Variants in DAZAP1 observed in about 807,000 individuals in gnomAD.
DAZAP1 encodes the protein DAZ associated protein 1.
A neutral mutation model predicts 60.1 loss-of-function variants in DAZAP1; 6 were observed. The ratio of observed to expected loss-of-function variants is 0.10; its 90% CI spans 0.05 to 0.20. The LOEUF (loss-of-function observed/expected upper bound fraction) is 0.20. DAZAP1 is among the 10% of genes least tolerant of loss of function. The pLI is 1.00. For missense variants in DAZAP1, 366 were observed against 560.4 expected, an observed-to-expected ratio of 0.65 and a Z score of 3.50; for synonymous variants, 235 against 215.9, an observed-to-expected ratio of 1.09 and a Z score of -0.78.
chr19:1,432,651 C>G lies in DAZAP1; in HGVS notation c.1009C>G (p.Pro337Ala), dbSNP rs753770419. 3.1e-6 allele frequency: 5 copies of G among 1,612,070 alleles called. No homozygotes were observed. Among genetic ancestry groups the G allele is most frequent in the Middle Eastern group, 1.6e-4 (1 of 6,070 alleles). The change falls in exon 11 of 12, where the codon CCC becomes GCC. Residue 337 changes from proline to alanine, a missense_variant. This residue lies in a region of DAZAP1 where 240 missense variants were observed against 308.8 expected (regional missense o/e 0.78). Transcript: ENST00000233078. The surrounding 1 kb of genome is among the most constrained non-coding windows in gnomAD (Gnocchi z 4.9). The part of the protein sequence containing the change: ...PSQAAPDMSK[P>A]PTAQPDFPYG... ...TCAGGCTGCCCCGGACATGAGCAAGCCCCCGACAGCTCAGCCAGACTTCCC... is the reference window on the plus strand; with the variant it reads ...TCAGGCTGCCCCGGACATGAGCAAGGCCCCGACAGCTCAGCCAGACTTCCC...
Position 1,428,990 on chromosome 19 carries a change from C to T in DAZAP1, c.695C>T (p.Pro232Leu), listed in dbSNP as rs1362325253. The T allele has an allele frequency of 5.0e-6, 8 of 1,595,966 alleles. No individual in the cohort carries two copies. The highest frequency in any genetic ancestry group is 2.2e-5 in the South Asian group (2 of 88,892). Residue 232 changes from proline to leucine, a missense_variant, in exon 8 of 12, where the codon CCG becomes CTG. Physicochemically the swap from Pro to Leu is moderately conservative, Grantham distance 98. This residue lies in a region of DAZAP1 where 240 missense variants were observed against 308.8 expected (regional missense o/e 0.78). Coordinates refer to ENST00000233078, the MANE Select transcript of DAZAP1 (RefSeq NM_018959.4). This position sits in a 1 kb window ranked among gnomAD's most constrained non-coding sequence, Gnocchi z 4.0. Reference protein sequence around the residue: ...PPPTWQQGYGPQGMWVPAGQA... With the variant: ...PPPTWQQGYGLQGMWVPAGQA... ...CCCACGTGGCAGCAAGGATATGGCC[C>T]GCAAGGTAAGGCTGATGCAGAGGTG...
Position 1,432,759 on chromosome 19 carries a change from G to A in DAZAP1, c.1048+69G>A. The A allele has an allele frequency of 6.7e-7, 1 of 1,491,782 alleles. No individual in the cohort carries two copies. The highest frequency in any genetic ancestry group is 1.4e-5 in the African/African-American group (1 of 71,388). 92.4% of individuals were successfully genotyped at this position (1,491,782 alleles called of 1,614,324 possible). On this transcript the variant is annotated intron_variant, in intron 11 of 11. Coordinates refer to ENST00000233078, the MANE Select transcript of DAZAP1 (RefSeq NM_018959.4). This position sits in a 1 kb window ranked among gnomAD's most constrained non-coding sequence, Gnocchi z 4.9. The stretch of plus-strand genomic sequence containing the variant: ...CCCTGGGCACGGCCTGCCTTCTTCT[G>A]CTTCCTCCCCTGCTGGACGCTCCCC...
intron 10 of DAZAP1, among the ~76,000 whole-genome samples, chr19:1,431,013 G>A (rs796190933): frequency 9.9e-5 from 15 of 151,822 alleles, no homozygotes; most frequent in African/African-American, 2.7e-4. Flanking sequence ...GAGTGACTGC[G>A]CCCAGCCTCA....
chr19:1,422,491 T>TTTGCTAC lies in DAZAP1; in HGVS notation c.463+95_463+96insTTGCTAC. 2 of 1,213,372 alleles carry TTTGCTAC rather than the reference T, an allele frequency of 1.6e-6. No individual in the cohort carries two copies. The highest frequency in any genetic ancestry group is 2.4e-6 in the Non-Finnish European group (2 of 831,544). The allele number at this position is 1,213,372 out of a possible 1,614,324, so 75.2% of individuals were successfully genotyped here. A position where few individuals can be genotyped will look rare whatever the true frequency, so the allele number is the denominator to read the frequency against. On this transcript the variant is annotated intron_variant, in intron 6 of 11. Transcript: ENST00000233078. The surrounding 1 kb of genome is among the most constrained non-coding windows in gnomAD (Gnocchi z 4.5). ...GCCAGGCACACACAGGTGGCGGCTG[T>TTTGCTAC]AGCAAACAGCCTCAGGAAGGGACGA... is the stretch of plus-strand genomic sequence containing the variant.
chr19:1,427,510 C>G (rs1470914972), intron 7 of DAZAP1: 1 of 152,268 alleles, frequency 6.6e-6, no homozygotes. Context: ...GTGTTTGGTA[C>G]CGCGTGGTAG....
chr19:1,431,480 A>T (rs141526119), intron 10 of DAZAP1, among the ~76,000 whole-genome samples: 7 of 151,782 alleles, frequency 4.6e-5, no homozygotes, highest in African/African-American at 1.7e-4. Context: ...CCCAGGATTG[A>T]GTGCAGTGCC....
intron 1 of DAZAP1, among the ~76,000 whole-genome samples, chr19:1,409,148 A>G (rs1165929739): frequency 2.0e-5 from 3 of 152,352 alleles, no homozygotes; most frequent in South Asian, 2.1e-4. Context: ...CCGTGCTGTG[A>G]GTCCTCTCCA....
intron 5 of DAZAP1, among the ~76,000 whole-genome samples, chr19:1,421,647 C>T (rs186065116): frequency 1.3e-5 from 2 of 152,360 alleles, no homozygotes; most frequent in African/African-American, 4.8e-5. Flanking sequence ...GCCCGAGCTC[C>T]GTTGAGCCCA....
At position 1,418,762 on chromosome 19, in the gene DAZAP1, G is replaced by A. The variant is rs748222583; in HGVS notation, c.303+31G>A. The A allele has an allele frequency of 5.1e-6, 8 of 1,579,020 alleles. No individual in the cohort carries two copies. Among genetic ancestry groups the A allele is most frequent in the Non-Finnish European group, 6.0e-6 (7 of 1,162,610 alleles). ...GGGCTGGGCCGGGCGGCCTCCTTGT[G>A]TGTTCTCCACTCCACGTGGAAAGGA... On this transcript the variant is annotated intron_variant, in intron 4 of 11. Coordinates refer to ENST00000233078, the MANE Select transcript of DAZAP1 (RefSeq NM_018959.4). This position sits in a 1 kb window ranked among gnomAD's most constrained non-coding sequence, Gnocchi z 5.7.
chr19:1,414,876 T>G (rs759656549), intron 1 of DAZAP1, among the ~76,000 whole-genome samples: 18 of 151,846 alleles, frequency 1.2e-4, no homozygotes, highest in Non-Finnish European at 2.2e-4. Context: ...CCTGCTGGAG[T>G]GCAGTGACAC....
intron 10 of DAZAP1, chr19:1,431,983 C>T (rs977529851): frequency 1.8e-5 from 3 of 164,546 alleles, no homozygotes; most frequent in African/African-American, 7.2e-5. Flanking sequence ...CTGGATCAGG[C>T]TCTGCACACG....
intron 6 of DAZAP1, among the ~76,000 whole-genome samples, chr19:1,424,930 T>C (rs1399338864): frequency 1.3e-5 from 2 of 152,176 alleles, no homozygotes; most frequent in Non-Finnish European, 2.9e-5. Flanking sequence ...CCCGGCGCAC[T>C]CCTGCGCCTA....
At chr19:1,424,449 A>T (rs2083255308) in intron 6 of DAZAP1, among the ~76,000 whole-genome samples, 3 of 145,162 alleles carry the variant, frequency 2.1e-5, no homozygotes, top group African/African-American at 7.7e-5. Context: ...AGGCTCCTGA[A>T]CCACAGTGAC....
chr19:1,430,199 C>A, intron 9 of DAZAP1, 23 bp from the exon 10 acceptor site: 1 of 1,579,610 alleles, frequency 6.3e-7, no homozygotes, highest in Non-Finnish European at 8.6e-7. Flanking sequence ...CTCTGTCCAT[C>A]ACCCCCGTAC....
rs939850555 is a variant in DAZAP1, at chr19:1,418,608, C to T, written c.238-58C>T. ...CCGTGGCTGCTGTTGTGCTGACACC[C>T]TCTTTCCTAGAGAAACAGCCTCTTA... On this transcript the variant is annotated intron_variant, in intron 3 of 11. Transcript: ENST00000233078. The surrounding 1 kb of genome is among the most constrained non-coding windows in gnomAD (Gnocchi z 5.7). 1.5e-5 allele frequency: 24 copies of T among 1,606,704 alleles called. No individual in the cohort carries two copies. The highest frequency in any genetic ancestry group is 1.4e-5 in the Non-Finnish European group (16 of 1,173,554).
chr19:1,421,633 G>C (rs2083158158), intron 5 of DAZAP1, among the ~76,000 whole-genome samples: 1 of 152,270 alleles, frequency 6.6e-6, no homozygotes. Context: ...GCAGGTGGGA[G>C]AATGCCCGAG....
intron 1 of DAZAP1, among the ~76,000 whole-genome samples, chr19:1,415,143 T>A (rs1395450424): frequency 6.6e-6 from 1 of 152,066 alleles, no homozygotes; most frequent in African/African-American, 2.4e-5. Flanking sequence ...TTCTAGCCCT[T>A]CCCCCTTAAT....
Position 1,418,871 on chromosome 19 carries a change from G to A in DAZAP1, c.303+140G>A. The A allele has an allele frequency of 6.3e-6, 5 of 790,944 alleles. No individual in the cohort carries two copies. Among genetic ancestry groups the A allele is most frequent in the Non-Finnish European group, 1.0e-5 (5 of 497,008 alleles). 49.0% of individuals were successfully genotyped at this position (790,944 alleles called of 1,614,324 possible). On this transcript the variant is annotated intron_variant, in intron 4 of 11. Coordinates refer to ENST00000233078, the MANE Select transcript of DAZAP1 (RefSeq NM_018959.4). The surrounding 1 kb of genome is among the most constrained non-coding windows in gnomAD (Gnocchi z 5.7). ...CTGGGTTGGCACTCGAGCAGCTGAGGATCACCCAGATTTATCAGTGCCGTG... is the reference window on the plus strand; with the variant it reads ...CTGGGTTGGCACTCGAGCAGCTGAGAATCACCCAGATTTATCAGTGCCGTG...
rs532497969 is a variant in DAZAP1 at position 1,415,467 on chromosome 19, C to T, written c.30-2033C>T. Among the ~76,000 whole-genome samples the T allele has an allele frequency of 8.3e-5, 12 of 143,836 alleles. No homozygotes were observed. The South Asian group carries it at 2.0e-3, about 24-fold the overall frequency. The allele number at this position is 143,836 out of a possible 152,430, so 94.4% of individuals were successfully genotyped here. ...TTGTGTAAATGAGCATTTTTCCGGT[C>T]GGTTCCAGCCAGGCTTGGGGGCCCT... On this transcript the variant is annotated intron_variant, in intron 1 of 11. Transcript: ENST00000233078.
Sources: gnomAD v4.1 joint callset for allele counts (sites outside exome capture counted in the v4.1 genomes callset) on GRCh38, gnomAD v4.1.1 for gene constraint, gnomAD v4.1.1 regional missense constraint, Gnocchi (gnomAD v3.1) non-coding constraint, MANE v1.5 for transcripts, NCBI Gene and HGNC (gene_info 2026-07-23, HGNC 2026-07-21) for gene names.